The following CRYAB variants were observed in gnomAD, a reference collection of about 807,000 sequenced individuals.
CRYAB encodes crystallin alpha B.
Under a neutral mutation model 12.7 loss-of-function variants are expected in CRYAB, and 9 were observed. The ratio of observed to expected loss-of-function variants is 0.71; its 90% CI spans 0.43 to 1.24. CRYAB has a LOEUF of 1.24. Ranked by LOEUF, CRYAB falls within the 50% of genes most tolerant of loss-of-function variation. The probability of loss-of-function intolerance (pLI) is 0.00; values close to 1 mark genes in which losing one functional copy is unlikely to be tolerated. For synonymous variants in CRYAB, 93 were observed against 86.8 expected (o/e 1.07, Z -0.40); for missense variants, 183 against 226.6 (o/e 0.81, Z 1.24).
chr11:111,920,029 A>G (rs1387869133), intron 1 of CRYAB, among the ~76,000 whole-genome samples: 4 of 151,682 alleles, frequency 2.6e-5, no homozygotes, highest in Admixed American at 1.3e-4. Flanking sequence ...CCCCATCTCT[A>G]CTGAAAATAC....
At chr11:111,913,386 C>A (rs1965533025), upstream of CRYAB, 2 of 1,395,780 alleles carry the variant, frequency 1.4e-6, no homozygotes, top group South Asian at 1.3e-5. Context: ...CATTTCGCCC[C>A]TGTGCCAGCC....
intron 1 of CRYAB, chr11:111,918,850 A>G: frequency 1.8e-6 from 2 of 1,128,832 alleles, no homozygotes; most frequent in South Asian, 1.3e-5. Flanking sequence ...CCAACCTGCT[A>G]GGTTGAAATC....
At chr11:111,912,687 C>A (rs868985098), upstream of CRYAB, 102 of 530,720 alleles carry the variant, frequency 1.9e-4, no homozygotes, top group Middle Eastern at 3.5e-3. Context: ...CCCCTCCCCC[C>A]CCAAGAGGCT....
At chr11:111,912,139 G>T (rs1396048625), upstream of CRYAB, 2 of 241,170 alleles carry the variant, frequency 8.3e-6, no homozygotes, top group Non-Finnish European at 1.6e-5. Flanking sequence ...TGAATGCCAG[G>T]GGAATCAGGC....
At chr11:111,922,470 A>G (rs1386278281) in intron 1 of CRYAB, among the ~76,000 whole-genome samples, 3 of 152,228 alleles carry the variant, frequency 2.0e-5, no homozygotes, top group Non-Finnish European at 4.4e-5. Flanking sequence ...TTCTGCAACG[A>G]GCAGAAAATA....
chr11:111,911,486 A>G (rs1375322485), intron 1 of CRYAB, 38 bp downstream of exon 1: 1 of 1,575,016 alleles, frequency 6.3e-7, no homozygotes, highest in Non-Finnish European at 8.6e-7. Context: ...AGGAGGTTCC[A>G]GTAAGGACTC....
chr11:111,909,188 C>G, intron 2 of CRYAB: 1 of 636,180 alleles, frequency 1.6e-6, no homozygotes, highest in Non-Finnish European at 2.9e-6. Context: ...CAGTCCAACA[C>G]TTCATTGTTT....
chr11:111,914,258 G>A (rs587636432), upstream of CRYAB, among the ~76,000 whole-genome samples: 1 of 152,284 alleles, frequency 6.6e-6, no homozygotes, highest in East Asian at 1.9e-4. Context: ...GCTGACTCTG[G>A]CTCCAGATCA....
chr11:111,920,703 G>T (rs587665076), intron 1 of CRYAB, among the ~76,000 whole-genome samples: 1 of 152,270 alleles, frequency 6.6e-6, no homozygotes, highest in South Asian at 2.1e-4. Context: ...GGTAGAGGCT[G>T]CAGTGAACCA....
chr11:111,911,972 T>C (rs1049289149), upstream of CRYAB: 55 of 521,284 alleles, frequency 1.1e-4, no homozygotes, highest in East Asian at 8.1e-4. Flanking sequence ...TGACTTGTCA[T>C]GGTCTTGTTT....
intron 1 of CRYAB, chr11:111,910,812 C>T: frequency 2.8e-6 from 1 of 352,496 alleles, no homozygotes; most frequent in Non-Finnish European, 5.4e-6. Flanking sequence ...GCTCAGGTCT[C>T]TTTGCCAGTT....
chr11:111,908,839 C>G lies in CRYAB; in HGVS notation c.453G>C (p.Gln151His). The G allele has an allele frequency of 6.2e-7, 1 of 1,614,020 alleles. No individual in the cohort carries two copies. Among genetic ancestry groups the G allele is most frequent in the Non-Finnish European group, 8.5e-7 (1 of 1,180,036 alleles). ...GAATGGTGCGCTCAGGGCCAGAGACCTGTTTCCTTGGTCCATTCACAGTGA... is the reference window on the plus strand; with the variant it reads ...GAATGGTGCGCTCAGGGCCAGAGACGTGTTTCCTTGGTCCATTCACAGTGA... ...GVLTVNGPRK[Q>H]VSGPERTIPI... The change falls in exon 3 of 3, where the codon CAG becomes CAC. Residue 151 changes from glutamine to histidine, a missense_variant. Physicochemically the swap from Gln to His is conservative, Grantham distance 24. Coordinates refer to ENST00000650687, the MANE Select transcript of CRYAB (RefSeq NM_001289808.2).
chr11:111,908,782 G>T lies in CRYAB; in HGVS notation c.510C>A (p.Thr170=), dbSNP rs147970333. ...AGGGCATCTATTTCTTGGGGGCTGC[G>T]GTGACAGCAGGCTTCTCTTCACGGG... is the stretch of plus-strand genomic sequence containing the variant. ...PITREEKPAV[T]AAPKK is the part of the protein sequence containing the mutation. The change falls in exon 3 of 3, where the codon ACC becomes ACA. Residue 170 remains threonine, a synonymous_variant. Transcript: ENST00000650687. 17 of 1,612,678 alleles carry T rather than the reference G, an allele frequency of 1.1e-5. No homozygotes were observed. The African/African-American group carries it at 2.0e-4, about 19-fold the overall frequency.
Position 111,908,920 on chromosome 11 carries a change from G to C in CRYAB, c.372C>G (p.Ile124Met), listed in dbSNP as rs782635893. Reference protein sequence around the residue: ...ISREFHRKYRIPADVDPLTIT... With the variant: ...ISREFHRKYRMPADVDPLTIT... ...TGGTGAGAGGGTCTACATCAGCTGG[G>C]ATCCGGTATTTCCTGTGGAACTCCC... Residue 124 changes from isoleucine to methionine, a missense_variant, in exon 3 of 3, where the codon ATC (isoleucine) becomes ATG (methionine). This residue lies in a region of CRYAB where 95 missense variants were observed against 112.5 expected (regional missense o/e 0.84). Transcript: ENST00000650687. 2 of 1,614,082 alleles carry C rather than the reference G, an allele frequency of 1.2e-6. No individual in the cohort carries two copies. The highest frequency in any genetic ancestry group is 2.2e-5 in the South Asian group (2 of 91,074).
chr11:111,913,415 C>T (rs1555165839), upstream of CRYAB: 2 of 1,557,694 alleles, frequency 1.3e-6, no homozygotes, highest in Admixed American at 3.4e-5. Flanking sequence ...CCTCATCCTG[C>T]CTCTTGCCTT....
upstream of CRYAB, chr11:111,913,799 A>C (rs782676473): frequency 6.2e-7 from 1 of 1,614,104 alleles, no homozygotes; most frequent in East Asian, 2.2e-5. Context: ...GGGGTGGCCG[A>C]CATTTGGACA....
chr11:111,913,299 C>T, upstream of CRYAB: 1 of 684,692 alleles, frequency 1.5e-6, no homozygotes, highest in African/African-American at 1.8e-5. Flanking sequence ...CTCCTAGCTA[C>T]AGTGTGGCCT....
chr11:111,909,055 T>G (rs1349996361), intron 2 of CRYAB, 88 bp from the exon 3 acceptor site: 3 of 1,347,650 alleles, frequency 2.2e-6, no homozygotes, highest in Non-Finnish European at 3.2e-6. Context: ...TGATTTCCCC[T>G]TAGGTGAGAC....
chr11:111,920,511 C>G (rs782247211), intron 1 of CRYAB, among the ~76,000 whole-genome samples: 1 of 151,722 alleles, frequency 6.6e-6, no homozygotes, highest in Non-Finnish European at 1.5e-5. Context: ...GCAGTCCAGA[C>G]TGGGCAACAG....
Sources: allele counts gnomAD v4.1 joint callset (sites outside exome capture counted in the v4.1 genomes callset), GRCh38; gene constraint gnomAD v4.1.1; regional missense constraint gnomAD v4.1.1; transcripts MANE v1.5; gene names NCBI Gene and HGNC (gene_info 2026-07-23, HGNC 2026-07-21).